CDKN2A: variants seen among roughly 807,000 people sequenced by gnomAD.
The protein encoded by CDKN2A is cyclin dependent kinase inhibitor 2A.
A neutral mutation model predicts 11.1 loss-of-function variants in CDKN2A; 3 were observed. That is an observed-to-expected ratio of 0.27 (90% CI 0.12 to 0.70). The LOEUF (loss-of-function observed/expected upper bound fraction) is 0.70. Ranked by LOEUF, CDKN2A falls within the 30% of genes least tolerant of loss-of-function variation. CDKN2A has a pLI of 0.77. For synonymous variants in CDKN2A, 122 were observed against 108.1 expected (o/e 1.13, Z -0.80); for missense variants, 265 against 233.6 (o/e 1.13, Z -0.88).
rs1410933559 is a variant in CDKN2A, at chr9:21,968,458, C to G, written c.458-216G>C. The stretch of plus-strand genomic sequence containing the variant: ...GCCCGCCTGGCTGCTCCAGGCGCGC[C>G]GACCGCTCAAGCGCTCCAGGTCCAC... On this transcript the variant is annotated intron_variant, in intron 2 of 2. Transcript: ENST00000304494. The surrounding 1 kb of genome is among the most constrained non-coding windows in gnomAD (Gnocchi z 4.7). The G allele has an allele frequency of 1.3e-6, 2 of 1,485,308 alleles. No individual in the cohort carries two copies. The highest frequency in any genetic ancestry group is 1.8e-6 in the Non-Finnish European group (2 of 1,121,710). The allele number at this position is 1,485,308 out of a possible 1,614,324, so 92.0% of individuals were successfully genotyped here.
At chr9:21,994,040 C>T (rs1587357980) in exon 2 of CDKN2A, 21 of 1,365,558 alleles carry the variant, frequency 1.5e-5, no homozygotes, top group South Asian at 3.7e-5. Context: ...ATCTCCTCCT[C>T]CTCCTAGCCT....
In CDKN2A at chr9:21,969,965, A is replaced by G. The variant is rs549995150; in HGVS notation, c.457+937T>C. 9.2e-5 allele frequency among the ~76,000 whole-genome samples: 14 copies of G among 152,258 alleles called. No homozygotes were observed. The South Asian group carries it at 2.3e-3, about 25-fold the overall frequency. On this transcript the variant is annotated intron_variant, in intron 2 of 2. Coordinates refer to ENST00000304494, the MANE Select transcript of CDKN2A (RefSeq NM_000077.5). ...GCTCCCCTATGGCCCAAGGAGCCCA[A>G]TGCCCCCGTTCTGGGCCAAAATAAG...
chr9:21,993,098 TA>T (rs1223169659), intron 2 of CDKN2A, among the ~76,000 whole-genome samples: 1 of 152,154 alleles, frequency 6.6e-6, no homozygotes, highest in African/African-American at 2.4e-5. Context: ...AACATTGCAG[TA>T]AAAAAATAAT....
chr9:21,971,785 G>A (rs928263916), intron 1 of CDKN2A, among the ~76,000 whole-genome samples: 3 of 151,646 alleles, frequency 2.0e-5, no homozygotes, highest in Non-Finnish European at 4.4e-5. Context: ...ATATTTATGT[G>A]GTACAATATG....
chr9:21,976,301 C>T (rs542505092), upstream of CDKN2A, among the ~76,000 whole-genome samples: 4 of 150,814 alleles, frequency 2.7e-5, no homozygotes, highest in South Asian at 8.4e-4. Context: ...ATCGCTTGAA[C>T]CCGGGAGGCA....
At chr9:21,985,459 A>AT (rs1428583856) in intron 2 of CDKN2A, among the ~76,000 whole-genome samples, 1 of 152,018 alleles carries the variant, frequency 6.6e-6, no homozygotes, top group South Asian at 2.1e-4. Flanking sequence ...ACACACACAC[A>AT]TAATTTTTTA....
chr9:21,994,012 AAGCCTC>A, exon 2 of CDKN2A: 1 of 1,038,386 alleles, frequency 9.6e-7, no homozygotes, highest in Non-Finnish European at 1.4e-6. Context: ...CCGAATGGGG[AAGCCTC>A]CACCGGCGGT....
upstream of CDKN2A, among the ~76,000 whole-genome samples, chr9:21,976,525 G>A (rs1820035586): frequency 6.6e-6 from 1 of 152,074 alleles, no homozygotes; most frequent in South Asian, 2.1e-4. Context: ...AGACAAGCCT[G>A]ACCAACATGG....
Position 21,992,224 on chromosome 9 carries a change from G to A in CDKN2A, c.-4+1658C>T, listed in dbSNP as rs183456405. 1,789 of 934,428 alleles carry A rather than the reference G, an allele frequency of 1.9e-3. 4 individuals are homozygous for A. Among genetic ancestry groups the A allele is most frequent in the Non-Finnish European group, 2.2e-3 (1,696 of 783,426 alleles). The allele number at this position is 934,428 out of a possible 1,614,324, so 57.9% of individuals were successfully genotyped here. A position where few individuals can be genotyped will look rare whatever the true frequency, so the allele number is the denominator to read the frequency against. On this transcript the variant is annotated intron_variant, in intron 2 of 3. Transcript: ENST00000494262. ...TAGCACTTGTGCCTCTCAAGGAATTGTATGAATCCTAACATAATTAGTATC... is the reference window on the plus strand; with the variant it reads ...TAGCACTTGTGCCTCTCAAGGAATTATATGAATCCTAACATAATTAGTATC...
In CDKN2A at chr9:21,968,664, C is replaced by T; in HGVS notation, c.458-422G>A. 4 of 1,535,222 alleles carry T rather than the reference C, an allele frequency of 2.6e-6. No individual in the cohort carries two copies. The highest frequency in any genetic ancestry group is 3.5e-6 in the Non-Finnish European group (4 of 1,146,270). ...ACCTGGTGCGGAGTGAGCCAGCCAG[C>T]TTGCGATAACCAAAGGGCGCCTCAG... On this transcript the variant is annotated intron_variant, in intron 2 of 2. Coordinates refer to ENST00000304494, the MANE Select transcript of CDKN2A (RefSeq NM_000077.5). This position sits in a 1 kb window ranked among gnomAD's most constrained non-coding sequence, Gnocchi z 4.7.
At position 21,974,421 on chromosome 9, in the gene CDKN2A, A is replaced by T. The variant is rs2131108717; in HGVS notation, c.150+257T>A. 1 of 1,606,122 alleles carries T rather than the reference A, an allele frequency of 6.2e-7. No homozygotes were observed. The highest frequency in any genetic ancestry group is 8.5e-7 in the Non-Finnish European group (1 of 1,175,406). The stretch of plus-strand genomic sequence containing the variant: ...GAGCATACTTCCATCTAATACAAAT[A>T]TGTTCCCCCCTTCAGATCTTCTCAG... On this transcript the variant is annotated intron_variant, in intron 1 of 2. Coordinates refer to ENST00000304494, the MANE Select transcript of CDKN2A (RefSeq NM_000077.5). This position sits in a 1 kb window ranked among gnomAD's most constrained non-coding sequence, Gnocchi z 5.2.
intron 2 of CDKN2A, among the ~76,000 whole-genome samples, chr9:21,992,851 A>C (rs1820461397): frequency 6.6e-6 from 1 of 152,142 alleles, no homozygotes; most frequent in Non-Finnish European, 1.5e-5. Context: ...AAAAAACAAC[A>C]ACCAGGGTCT....
chr9:21,974,987 G>C, upstream of CDKN2A: 1 of 1,391,194 alleles, frequency 7.2e-7, no homozygotes, highest in Non-Finnish European at 9.3e-7. This position sits in a 1 kb window ranked among gnomAD's most constrained non-coding sequence, Gnocchi z 5.2. Context: ...CCTCTGGAGG[G>C]ACCGCGGTAT....
chr9:21,974,706 G>T lies in CDKN2A; in HGVS notation c.122C>A (p.Pro41Gln), dbSNP rs373407950. 6 of 1,612,890 alleles carry T rather than the reference G, an allele frequency of 3.7e-6. No homozygotes were observed. The East Asian group carries it at 1.3e-4, about 36-fold the overall frequency. Residue 41 changes from proline (P) to glutamine (Q), a missense_variant, in exon 1 of 3, where the codon CCG becomes CAG. By Grantham distance (76) the Pro-to-Gln change is moderately conservative. Transcript: ENST00000304494. This position sits in a 1 kb window ranked among gnomAD's most constrained non-coding sequence, Gnocchi z 5.2. ...GATCGGCCTCCGACCGTAACTATTC[G>T]GTGCGTTGGGCAGCGCCCCCGCCTC... ...LLEAGALPNA[P>Q]NSYGRRPIQV...
chr9:21,978,213 C>T (rs1031449617), upstream of CDKN2A, among the ~76,000 whole-genome samples: 1 of 151,798 alleles, frequency 6.6e-6, no homozygotes, highest in Non-Finnish European at 1.5e-5. Flanking sequence ...CACATGTATA[C>T]ATATGTAACA....
At chr9:21,985,232 A>T (rs1012231850) in intron 2 of CDKN2A, among the ~76,000 whole-genome samples, 6 of 151,976 alleles carry the variant, frequency 3.9e-5, no homozygotes. Flanking sequence ...AATATACTGT[A>T]TGTTTACTCT....
chr9:21,976,256 G>A (rs1326037531), upstream of CDKN2A, among the ~76,000 whole-genome samples: 1 of 151,892 alleles, frequency 6.6e-6, no homozygotes, highest in Non-Finnish European at 1.5e-5. Flanking sequence ...GCGCACGTGT[G>A]TAATTCCAGC....
At position 21,971,171 on chromosome 9, in the gene CDKN2A, A is replaced by G. The variant is rs2131096164; in HGVS notation, c.188T>C (p.Leu63Pro). ...MMGSARVAEL[L>P]LLHGAEPNCA... ...GTTGGGCTCCGCGCCGTGGAGCAGCAGCAGCTCCGCCACTCGGGCGCTGCC... is the reference window on the plus strand; with the variant it reads ...GTTGGGCTCCGCGCCGTGGAGCAGCGGCAGCTCCGCCACTCGGGCGCTGCC... The change falls in exon 2 of 3, where the codon CTG becomes CCG. Residue 63 changes from leucine to proline, a missense_variant. Transcript: ENST00000304494. 1.3e-6 allele frequency: 2 copies of G among 1,595,826 alleles called. No individual in the cohort carries two copies. Among genetic ancestry groups the G allele is most frequent in the Non-Finnish European group, 1.7e-6 (2 of 1,178,038 alleles).
At chr9:21,990,649 AG>A (rs1563900445) in intron 2 of CDKN2A, among the ~76,000 whole-genome samples, 51 of 150,338 alleles carry the variant, frequency 3.4e-4, no homozygotes, top group African/African-American at 1.2e-3. Context: ...AGAGAGAGAG[AG>A]AAACTGTTTA....
Sources: allele counts gnomAD v4.1 joint callset (sites outside exome capture counted in the v4.1 genomes callset), GRCh38; gene constraint gnomAD v4.1.1; non-coding constraint Gnocchi (gnomAD v3.1); transcripts MANE v1.5; gene names NCBI Gene and HGNC (gene_info 2026-07-23, HGNC 2026-07-21).